Variants in PLXNA2 observed in about 807,000 individuals in gnomAD.
PLXNA2 encodes plexin-A2.
Under a neutral mutation model 193.5 loss-of-function variants are expected in PLXNA2, and 91 were observed. That is an observed-to-expected ratio of 0.47 (90% CI 0.40 to 0.56). The LOEUF is 0.56. Among genes scored for constraint, PLXNA2 ranks in the 20% least tolerant of loss-of-function variants. The probability of loss-of-function intolerance (pLI) is 0.00; values close to 1 mark genes in which losing one functional copy is unlikely to be tolerated. For synonymous variants in PLXNA2, 997 were observed against 1,027.3 expected (o/e 0.97, Z 0.56); for missense variants, 1,995 against 2,503.2 (o/e 0.80, Z 4.33).
chr1:208,139,127 T>C (rs1668393993), intron 4 of PLXNA2, among the ~76,000 whole-genome samples: 1 of 152,200 alleles, frequency 6.6e-6, no homozygotes, highest in African/African-American at 2.4e-5. Context: ...CTTTTGTGCT[T>C]TTGGTATCAT....
chr1:208,141,862 A>G (rs965771017), intron 4 of PLXNA2, among the ~76,000 whole-genome samples: 5 of 152,174 alleles, frequency 3.3e-5, no homozygotes, highest in Admixed American at 6.5e-5. Flanking sequence ...CCCAGAGCTG[A>G]CCAGCTTATA....
chr1:208,055,516 G>C (rs1331649465), intron 13 of PLXNA2, among the ~76,000 whole-genome samples: 2 of 152,108 alleles, frequency 1.3e-5, no homozygotes, highest in Non-Finnish European at 2.9e-5. Context: ...AAAAGAGCTT[G>C]GGAATGGAGG....
chr1:208,200,350 CA>C (rs1368848360), intron 3 of PLXNA2, among the ~76,000 whole-genome samples: 3 of 152,278 alleles, frequency 2.0e-5, no homozygotes, highest in African/African-American at 7.2e-5. Flanking sequence ...CACATGCTAG[CA>C]AGAAGGAAAG....
At chr1:208,073,840 T>G (rs970680601) in intron 12 of PLXNA2, among the ~76,000 whole-genome samples, 4 of 150,712 alleles carry the variant, frequency 2.7e-5, no homozygotes, top group Admixed American at 2.0e-4. Flanking sequence ...AGAGGTCAGG[T>G]TGATGCTTCT....
In PLXNA2 at chr1:208,111,919, T is replaced by C. The variant is rs527825597; in HGVS notation, c.1507-8672A>G. Among the ~76,000 whole-genome samples the C allele has an allele frequency of 4.6e-5, 7 of 152,304 alleles. No homozygotes were observed. In the East Asian group the frequency reaches 1.4e-3, roughly 29 times the overall value. On this transcript the variant is annotated intron_variant, in intron 4 of 31. Transcript: ENST00000367033. ...CAGCTGGAGGTTCCGGAGACTGTGA[T>C]TGCAACTAAAGCAATGCACAACCTT...
At chr1:208,176,810 G>C (rs181325961) in intron 3 of PLXNA2, among the ~76,000 whole-genome samples, 1 of 152,342 alleles carries the variant, frequency 6.6e-6, no homozygotes, top group Admixed American at 6.5e-5. Context: ...CTTGAGCACT[G>C]ACAGTGTAGC....
chr1:208,174,789 A>C (rs543027449), intron 3 of PLXNA2, among the ~76,000 whole-genome samples: 1 of 152,262 alleles, frequency 6.6e-6, no homozygotes, highest in Non-Finnish European at 1.5e-5. Context: ...TCTCCTCCTC[A>C]TGTGTTCCCC....
At position 208,217,630 on chromosome 1, in the gene PLXNA2, A is replaced by G. The variant is rs1283170912; in HGVS notation, c.293T>C (p.Leu98Pro). Residue 98 changes from leucine (L) to proline (P), a missense_variant, in exon 2 of 32, where the codon CTC (leucine) becomes CCC (proline). This residue lies in a region of PLXNA2 where 702 missense variants were observed against 812.9 expected (regional missense o/e 0.86). Coordinates refer to ENST00000367033, the MANE Select transcript of PLXNA2 (RefSeq NM_025179.4). The surrounding 1 kb of genome is among the most constrained non-coding windows in gnomAD (Gnocchi z 4.7). ...CACTTCGCTGCAGGGCTGCACGATG[A>G]GGGGCGGGTAACAAGACTTGTTGTC... ...EEDNKSCYPP[L>P]IVQPCSEVLT... 6.2e-7 allele frequency: 1 copy of G among 1,614,066 alleles called. No homozygotes were observed. Among genetic ancestry groups the G allele is most frequent in the Non-Finnish European group, 8.5e-7 (1 of 1,180,000 alleles).
At chr1:208,126,357 T>C (rs1667976613) in intron 4 of PLXNA2, among the ~76,000 whole-genome samples, 2 of 152,166 alleles carry the variant, frequency 1.3e-5, no homozygotes, top group African/African-American at 4.8e-5. Context: ...TCACAGACTA[T>C]GTGGGCTTAG....
chr1:208,043,472 A>G (rs971051179), intron 20 of PLXNA2, among the ~76,000 whole-genome samples: 1 of 152,226 alleles, frequency 6.6e-6, no homozygotes, highest in Non-Finnish European at 1.5e-5. Flanking sequence ...ACAAGGAAAA[A>G]AAAGTATCAT....
In PLXNA2 at chr1:208,028,077, C is replaced by T. The variant is rs758935682; in HGVS notation, c.5521G>A (p.Ala1841Thr). The T allele has an allele frequency of 8.1e-6, 13 of 1,613,434 alleles. No homozygotes were observed. The Admixed American group carries it at 8.3e-5, about 10-fold the overall frequency. Residue 1841 changes from alanine to threonine, a missense_variant, in exon 31 of 32, where the codon GCC (alanine) becomes ACC (threonine). By Grantham distance (58) the Ala-to-Thr change is moderately conservative. Transcript: ENST00000367033. The surrounding 1 kb of genome is among the most constrained non-coding windows in gnomAD (Gnocchi z 4.2). ...GCACTCAGCATGTTGAACTCCACGGCGTGCAGGCGGGACTGCTCGGCGAGG... is the reference window on the plus strand; with the variant it reads ...GCACTCAGCATGTTGAACTCCACGGTGTGCAGGCGGGACTGCTCGGCGAGG... ...AYLAEQSRLH[A>T]VEFNMLSALN...
rs56677339 is a variant in PLXNA2, at chr1:208,098,458, TCACA to T, written c.1731+384_1731+387del. 2.3e-4 allele frequency among the ~76,000 whole-genome samples: 28 copies of T among 123,518 alleles called. 1 individual carries two copies. The highest frequency in any genetic ancestry group is 5.4e-4 in the African/African-American group (17 of 31,532). The allele number at this position is 123,518 out of a possible 152,430, so 81.0% of individuals were successfully genotyped here. On this transcript the variant is annotated intron_variant, in intron 6 of 31. Transcript: ENST00000367033. The stretch of plus-strand genomic sequence containing the variant: ...CTCTCTCTCTCTCTCTCTCTCTCTC[TCACA>T]CACACACACACACACACACACACAC...
intron 3 of PLXNA2, among the ~76,000 whole-genome samples, chr1:208,172,049 G>A (rs1251063094): frequency 1.4e-5 from 2 of 142,606 alleles, no homozygotes; most frequent in Admixed American, 7.0e-5. Flanking sequence ...GGCAAAACCC[G>A]CAATTACTTC....
At chr1:208,193,947 AT>A (rs930830755) in intron 3 of PLXNA2, among the ~76,000 whole-genome samples, 8 of 151,796 alleles carry the variant, frequency 5.3e-5, no homozygotes, top group East Asian at 1.9e-4. Flanking sequence ...TATTAAAAAA[AT>A]TTTTTTTATT....
chr1:208,152,675 A>ACACACGCG (rs796596642), intron 3 of PLXNA2, among the ~76,000 whole-genome samples: 6 of 114,726 alleles, frequency 5.2e-5, no homozygotes, highest in Non-Finnish European at 9.9e-5. Context: ...ACATACACAC[A>ACACACGCG]CACACACGCA....
intron 4 of PLXNA2, among the ~76,000 whole-genome samples, chr1:208,124,047 T>C (rs10863697): frequency 0.39 from 59,178 of 152,020 alleles, 11,743 homozygotes; most frequent in Admixed American, 0.46. Context: ...GGCCACTAGA[T>C]GTTAGTCTAG....
chr1:208,030,101 C>T (rs145615974), intron 29 of PLXNA2: 166 of 985,542 alleles, frequency 1.7e-4, no homozygotes, highest in African/African-American at 9.6e-4. Flanking sequence ...AGCCCTTCCA[C>T]GATGATTTCT....
chr1:208,052,148 G>T (rs573500301), intron 15 of PLXNA2, among the ~76,000 whole-genome samples, 179 bp downstream of exon 15: 2 of 152,238 alleles, frequency 1.3e-5, no homozygotes, highest in East Asian at 3.9e-4. Flanking sequence ...TTGATATACG[G>T]GATATAAACT....
At chr1:208,157,882 G>C (rs1319468082) in intron 3 of PLXNA2, among the ~76,000 whole-genome samples, 1 of 152,220 alleles carries the variant, frequency 6.6e-6, no homozygotes, top group African/African-American at 2.4e-5. Context: ...AGGAGAGAAG[G>C]CAAGACTGTT....
Sources: allele counts gnomAD v4.1 joint callset (sites outside exome capture counted in the v4.1 genomes callset), GRCh38; gene constraint gnomAD v4.1.1; regional missense constraint gnomAD v4.1.1; non-coding constraint Gnocchi (gnomAD v3.1); transcripts MANE v1.5; gene names NCBI Gene and HGNC (gene_info 2026-07-23, HGNC 2026-07-21).